Variants in SGIP1 observed in about 807,000 individuals in gnomAD.
SGIP1 encodes the protein SH3-containing GRB2-like protein 3-interacting protein 1.
In SGIP1, 38 loss-of-function variants were observed where a neutral mutation model predicts 107.5. The observed-to-expected ratio is 0.35, with a 90% CI of 0.27 to 0.46. The LOEUF (loss-of-function observed/expected upper bound fraction) is 0.46, where lower values mean the gene tolerates loss of function less well. Ranked by LOEUF, SGIP1 falls within the 20% of genes least tolerant of loss-of-function variation. The pLI is 1.00. For synonymous variants in SGIP1, 365 were observed against 366.1 expected, an observed-to-expected ratio of 1.00 and a Z score of 0.03; for missense variants, 929 against 1,019.5, an observed-to-expected ratio of 0.91 and a Z score of 1.21.
At chr1:66,606,428 C>T (rs577852099) in intron 1 of SGIP1, among the ~76,000 whole-genome samples, 2 of 152,072 alleles carry the variant, frequency 1.3e-5, no homozygotes, top group East Asian at 3.9e-4. Flanking sequence ...GTTTTTTTCT[C>T]CTTCTATTCA....
chr1:66,675,642 C>T (rs1470254492), intron 12 of SGIP1, among the ~76,000 whole-genome samples: 2 of 146,728 alleles, frequency 1.4e-5, no homozygotes, highest in Non-Finnish European at 3.0e-5. Flanking sequence ...CACAGCGATC[C>T]TCCCACCTCA....
At chr1:66,541,517 G>C (rs113543792) in intron 1 of SGIP1, among the ~76,000 whole-genome samples, 15 of 152,326 alleles carry the variant, frequency 9.8e-5, no homozygotes, top group Non-Finnish European at 1.9e-4. Context: ...ACAACTCTAG[G>C]CTTGAACATT....
chr1:66,578,198 T>C (rs1254860616), intron 1 of SGIP1, among the ~76,000 whole-genome samples: 1 of 152,164 alleles, frequency 6.6e-6, no homozygotes, highest in Non-Finnish European at 1.5e-5. Context: ...CAGAGTCACA[T>C]GGGAGCTCCT....
chr1:66,546,396 A>G (rs780053506), intron 1 of SGIP1, among the ~76,000 whole-genome samples: 2 of 152,220 alleles, frequency 1.3e-5, no homozygotes, highest in African/African-American at 2.4e-5. Context: ...TACATAGAAG[A>G]AAATTAAATT....
intron 1 of SGIP1, among the ~76,000 whole-genome samples, chr1:66,540,556 A>C (rs901202045): frequency 2.1e-4 from 32 of 152,158 alleles, no homozygotes; most frequent in African/African-American, 7.2e-4. Context: ...TTCGACTTGG[A>C]ATGTGGGAAA....
intron 5 of SGIP1, 99 bp downstream of exon 5, chr1:66,639,932 C>T: frequency 1.1e-6 from 1 of 917,862 alleles, no homozygotes. Flanking sequence ...GCGAAATGCT[C>T]TCCATGTCAT....
intron 7 of SGIP1, among the ~76,000 whole-genome samples, chr1:66,644,291 T>A (rs138812979): frequency 6.6e-6 from 1 of 152,120 alleles, no homozygotes; most frequent in African/African-American, 2.4e-5. Flanking sequence ...ATAAGTATTG[T>A]CCTATTTATA....
At chr1:66,664,308 A>C (rs2082100355) in intron 8 of SGIP1, among the ~76,000 whole-genome samples, 1 of 152,178 alleles carries the variant, frequency 6.6e-6, no homozygotes, top group Non-Finnish European at 1.5e-5. Flanking sequence ...TGGATTCAAT[A>C]GGTAGCAGTA....
chr1:66,626,857 G>A (rs2072928915), intron 2 of SGIP1, among the ~76,000 whole-genome samples: 1 of 152,092 alleles, frequency 6.6e-6, no homozygotes, highest in Non-Finnish European at 1.5e-5. Context: ...TAGAAAATGG[G>A]AAAAGCAACA....
At position 66,682,378 on chromosome 1, in the gene SGIP1, T is replaced by C; in HGVS notation, c.1315+9T>C. 3 of 1,596,912 alleles carry C rather than the reference T, an allele frequency of 1.9e-6. No homozygotes were observed. Among genetic ancestry groups the C allele is most frequent in the Non-Finnish European group, 1.7e-6 (2 of 1,174,900 alleles). On this transcript the variant is annotated intron_variant, in intron 15 of 24. Transcript: ENST00000371037. ...TCCGGGGACCACCAGTGGTATGTCT[T>C]ATGCTTGAGTGTGCTTCTTGTGACG...
At chr1:66,591,892 AGGC>A (rs1310430535) in intron 1 of SGIP1, among the ~76,000 whole-genome samples, 1 of 152,226 alleles carries the variant, frequency 6.6e-6, no homozygotes, top group Non-Finnish European at 1.5e-5. Flanking sequence ...ATGGGCACGT[AGGC>A]CAGATTTATG....
At chr1:66,736,505 T>C (rs2647386) in intron 21 of SGIP1, among the ~76,000 whole-genome samples, 22,599 of 26,290 alleles carry the variant, frequency 0.86, 9,802 homozygotes, top group Middle Eastern at 0.93. Context: ...TATAATATAT[T>C]GCGTATTATA....
Position 66,690,172 on chromosome 1 carries a change from CT to C in SGIP1, c.1444-14del. The C allele has an allele frequency of 6.2e-7, 1 of 1,600,328 alleles. No individual in the cohort carries two copies. The highest frequency in any genetic ancestry group is 8.5e-7 in the Non-Finnish European group (1 of 1,173,082). Reference sequence around the variant, plus strand: ...AACCTGTGTATCTAACTTTTCATCTCTTTTCTTCTCCTTACAGTCCAGACCT... The same window carrying C: ...AACCTGTGTATCTAACTTTTCATCTCTTTCTTCTCCTTACAGTCCAGACCT... On this transcript the variant is annotated splice_polypyrimidine_tract_variant and intron_variant, in intron 16 of 24. Transcript: ENST00000371037.
At chr1:66,634,074 A>G (rs1271145210) in intron 3 of SGIP1, 2 of 1,601,316 alleles carry the variant, frequency 1.2e-6, no homozygotes, top group Non-Finnish European at 1.7e-6. Flanking sequence ...TCAAGGCTCT[A>G]TTCAGCAGGG....
chr1:66,543,999 A>T (rs1026074778), intron 1 of SGIP1, among the ~76,000 whole-genome samples: 2 of 152,196 alleles, frequency 1.3e-5, no homozygotes, highest in Non-Finnish European at 2.9e-5. Context: ...AAAATAGAAC[A>T]GTTTCCATTG....
intron 18 of SGIP1, among the ~76,000 whole-genome samples, chr1:66,707,067 C>A (rs920040100): frequency 6.6e-6 from 1 of 151,574 alleles, no homozygotes; most frequent in South Asian, 2.1e-4. Flanking sequence ...TTGATGAAAC[C>A]CTGTCTGCAT....
At chr1:66,619,549 C>T (rs1286357079) in intron 1 of SGIP1, among the ~76,000 whole-genome samples, 16 of 152,204 alleles carry the variant, frequency 1.1e-4, no homozygotes, top group Non-Finnish European at 7.3e-5. Context: ...GGAAGGTGAT[C>T]ATTCTACATG....
At chr1:66,629,531 A>C (rs1304846274) in intron 2 of SGIP1, among the ~76,000 whole-genome samples, 1 of 152,152 alleles carries the variant, frequency 6.6e-6, no homozygotes, top group African/African-American at 2.4e-5. Context: ...ACCCAAAAGA[A>C]AAGATATCAA....
At chr1:66,681,800 C>T in intron 14 of SGIP1, 69 bp from the exon 15 acceptor site, 1 of 1,473,734 alleles carries the variant, frequency 6.8e-7, no homozygotes, top group Non-Finnish European at 9.2e-7. Context: ...CCAGTCTTTG[C>T]CTCCCTCCCT....
Sources: gnomAD v4.1 joint callset for allele counts (sites outside exome capture counted in the v4.1 genomes callset) on GRCh38, gnomAD v4.1.1 for gene constraint, MANE v1.5 for transcripts, NCBI Gene and HGNC (gene_info 2026-07-23, HGNC 2026-07-21) for gene names.